CNTN5: variants seen among roughly 807,000 people sequenced by gnomAD.
The protein encoded by CNTN5 is contactin 5.
A neutral mutation model predicts 129.1 loss-of-function variants in CNTN5; 77 were observed. The observed-to-expected ratio is 0.60, with a 90% confidence interval of 0.50 to 0.72. The LOEUF is 0.72. Ranked by LOEUF, CNTN5 falls within the 30% of genes least tolerant of loss-of-function variation. CNTN5 has a pLI of 0.00. For synonymous variants in CNTN5, 509 were observed against 465.6 expected (o/e 1.09, Z -1.20); for missense variants, 1,478 against 1,328.8 (o/e 1.11, Z -1.75).
intron 4 of CNTN5, among the ~76,000 whole-genome samples, chr11:99,837,934 G>T (rs1387971467): frequency 1.3e-5 from 2 of 151,888 alleles, no homozygotes; most frequent in East Asian, 1.9e-4. Context: ...TTATTAGAGG[G>T]ACTTAGGGTA....
rs527298472 is a variant in CNTN5, at chr11:100,078,975, C to T, written c.1580+4681C>T. Among the ~76,000 whole-genome samples the T allele has an allele frequency of 2.6e-5, 4 of 152,120 alleles. No individual in the cohort carries two copies. In the South Asian group the frequency reaches 8.3e-4, roughly 32 times the overall value. ...GGCCTCAGGAAACGTACAATCATGG[C>T]GTAAGGCAAAGCAGGTGCAAGGAAC... On this transcript the variant is annotated intron_variant, in intron 13 of 24. Transcript: ENST00000524871.
chr11:99,178,965 G>T (rs1857914489), intron 1 of CNTN5, among the ~76,000 whole-genome samples: 1 of 151,726 alleles, frequency 6.6e-6, no homozygotes, highest in Non-Finnish European at 1.5e-5. Flanking sequence ...TGGGGACAGG[G>T]TTATAAACAT....
rs186129311 is a variant in CNTN5, at chr11:99,939,327, C to T, written c.674-17479C>T. Among the ~76,000 whole-genome samples the T allele has an allele frequency of 2.4e-4, 36 of 151,850 alleles. No homozygotes were observed. The East Asian group carries it at 4.8e-3, about 20-fold the overall frequency. The stretch of plus-strand genomic sequence containing the variant: ...AATTTATATTAGCTTCATTTTTTAG[C>T]GCAACCAAATAAGTTCTAGAAATAC... On this transcript the variant is annotated intron_variant, in intron 7 of 24. Transcript: ENST00000524871.
At chr11:99,095,649 A>G (rs77973936) in intron 1 of CNTN5, among the ~76,000 whole-genome samples, 4,966 of 151,976 alleles carry the variant, frequency 0.033, 117 homozygotes, top group South Asian at 0.069. Flanking sequence ...TAAGAGATGT[A>G]GGTGCCTGTG....
At chr11:99,487,398 C>A (rs1211906409) in intron 2 of CNTN5, among the ~76,000 whole-genome samples, 1 of 152,154 alleles carries the variant, frequency 6.6e-6, no homozygotes, top group African/African-American at 2.4e-5. Context: ...CAGGCCACTG[C>A]AGTGAAATTG....
intron 1 of CNTN5, among the ~76,000 whole-genome samples, chr11:99,072,218 A>G (rs187629150): frequency 6.6e-6 from 1 of 152,132 alleles, no homozygotes; most frequent in East Asian, 1.9e-4. Flanking sequence ...TCAAAAGTTT[A>G]TGCTCGTTTT....
At chr11:99,460,398 T>A (rs1345640431) in intron 2 of CNTN5, among the ~76,000 whole-genome samples, 1 of 151,902 alleles carries the variant, frequency 6.6e-6, no homozygotes, top group African/African-American at 2.4e-5. Context: ...TAACTTTGTT[T>A]TATGTGTCCA....
Position 99,143,501 on chromosome 11 carries a change from T to C in CNTN5, c.-210+122231T>C, listed in dbSNP as rs1160412943. On this transcript the variant is annotated intron_variant, in intron 1 of 24. Coordinates refer to ENST00000524871, the MANE Select transcript of CNTN5 (RefSeq NM_014361.4). ...CAATATAGAAGATATTTTTTGTATA[T>C]GACAATGGGATCCTAGAGACAAATG... Among the ~76,000 whole-genome samples the C allele has an allele frequency of 2.0e-5, 3 of 149,008 alleles. No individual in the cohort carries two copies. The East Asian group carries it at 6.0e-4, about 30-fold the overall frequency.
chr11:99,122,676 A>G (rs1245025653), intron 1 of CNTN5, among the ~76,000 whole-genome samples: 6 of 151,970 alleles, frequency 3.9e-5, no homozygotes, highest in Admixed American at 3.3e-4. Flanking sequence ...TAGGTTTATT[A>G]TTATTTTTTT....
At chr11:100,071,860 T>TA in intron 12 of CNTN5, 26 bp downstream of exon 12, 2 of 1,543,366 alleles carry the variant, frequency 1.3e-6, no homozygotes, top group Non-Finnish European at 1.7e-6. Context: ...GTGAATAAAT[T>TA]GAAAAAAAAA....
chr11:99,731,024 A>G (rs1943513847), intron 3 of CNTN5, among the ~76,000 whole-genome samples: 1 of 152,144 alleles, frequency 6.6e-6, no homozygotes, highest in Non-Finnish European at 1.5e-5. Context: ...GCTCCCATAT[A>G]TGAGTAGAAA....
intron 2 of CNTN5, among the ~76,000 whole-genome samples, chr11:99,424,280 C>G (rs1196402750): frequency 1.3e-5 from 2 of 152,176 alleles, no homozygotes; most frequent in African/African-American, 2.4e-5. Context: ...AAGACCTCTA[C>G]AAGTGACTAA....
intron 2 of CNTN5, among the ~76,000 whole-genome samples, chr11:99,338,068 CTA>C (rs942372185): frequency 1.2e-4 from 18 of 151,922 alleles, no homozygotes; most frequent in African/African-American, 1.9e-4. Flanking sequence ...ATTAATTTTT[CTA>C]TATATGTCTT....
intron 3 of CNTN5, among the ~76,000 whole-genome samples, chr11:99,654,659 G>C (rs1952283453): frequency 6.6e-6 from 1 of 152,056 alleles, no homozygotes; most frequent in Admixed American, 6.6e-5. Flanking sequence ...GTAAGCAATT[G>C]CCTGCCTAAA....
rs758718492 is a variant in CNTN5, at chr11:99,552,207, G to GT, written c.-70-3933dup. Among the ~76,000 whole-genome samples, 71 of 146,744 alleles carry GT rather than the reference G, an allele frequency of 4.8e-4. 1 individual carries two copies. The highest frequency in any genetic ancestry group is 1.7e-3 in the African/African-American group (66 of 39,340). ...CAGACATGAGCTACGCACCTGGTCAGTTTTTGTGTTTTTTTTTTTGTATTA... is the reference window on the plus strand; with the variant it reads ...CAGACATGAGCTACGCACCTGGTCAGTTTTTTGTGTTTTTTTTTTTGTATTA... On this transcript the variant is annotated intron_variant, in intron 2 of 24. Transcript: ENST00000524871.
chr11:99,380,870 C>T (rs11219692), intron 2 of CNTN5, among the ~76,000 whole-genome samples: 34,932 of 151,150 alleles, frequency 0.23, 4,794 homozygotes, highest in Middle Eastern at 0.32. Flanking sequence ...TGTATAGATA[C>T]TGGGGTTACA....
chr11:99,895,893 A>G (rs1949192591), intron 6 of CNTN5, among the ~76,000 whole-genome samples: 1 of 152,070 alleles, frequency 6.6e-6, no homozygotes, highest in Non-Finnish European at 1.5e-5. Context: ...TCCCTAGAAT[A>G]GATGGCGCAT....
chr11:99,722,614 C>G (rs530520626), intron 3 of CNTN5, among the ~76,000 whole-genome samples: 2 of 152,028 alleles, frequency 1.3e-5, no homozygotes, highest in South Asian at 4.2e-4. Flanking sequence ...CATGTACCCC[C>G]CAAACCTAAA....
intron 3 of CNTN5, among the ~76,000 whole-genome samples, chr11:99,746,735 A>C (rs543009538): frequency 6.6e-6 from 1 of 152,262 alleles, no homozygotes; most frequent in Admixed American, 6.5e-5. Flanking sequence ...CTGTGGAAAA[A>C]TTGTCTTCGA....
Sources: gnomAD v4.1 joint callset for allele counts (sites outside exome capture counted in the v4.1 genomes callset) on GRCh38, gnomAD v4.1.1 for gene constraint, MANE v1.5 for transcripts, NCBI Gene and HGNC (gene_info 2026-07-23, HGNC 2026-07-21) for gene names.